MYO5B: variants seen among roughly 807,000 people sequenced by gnomAD.
The protein encoded by MYO5B is unconventional myosin-Vb.
Under a neutral mutation model 229.3 loss-of-function variants are expected in MYO5B, and 143 were observed. The observed-to-expected ratio is 0.62, with a 90% confidence interval of 0.54 to 0.72. MYO5B has a LOEUF of 0.72. MYO5B is among the 30% of genes least tolerant of loss of function. The probability of loss-of-function intolerance (pLI) is 0.00; values close to 1 mark genes in which losing one functional copy is unlikely to be tolerated. For missense variants in MYO5B, 2,321 were observed against 2,331.0 expected (o/e 1.00, Z 0.09); for synonymous variants, 918 against 885.2 (o/e 1.04, Z -0.66).
intron 17 of MYO5B, among the ~76,000 whole-genome samples, chr18:49,912,978 C>T (rs980920257): frequency 3.9e-5 from 6 of 152,194 alleles, no homozygotes; most frequent in South Asian, 4.1e-4. Context: ...CGTATCCTAA[C>T]CCCTGGAGAG....
chr18:49,877,876 G>C lies in MYO5B; in HGVS notation c.3283C>G (p.Pro1095Ala), dbSNP rs1188315877. ...RDEMTIIKQT[P>A]GHRRNPSNQS... ...TTTGATGGGTTCCGCCTATGACCTG[G>C]AGTTTGCTGTTCAACAAGAAAAACG... is the stretch of plus-strand genomic sequence containing the variant. Residue 1095 changes from proline to alanine, a missense_variant, in exon 25 of 40, where the codon CCA becomes GCA. Physicochemically the swap from Pro to Ala is conservative, Grantham distance 27. Transcript: ENST00000285039. 1 of 1,614,106 alleles carries C rather than the reference G, an allele frequency of 6.2e-7. No homozygotes were observed. The highest frequency in any genetic ancestry group is 1.7e-5 in the Admixed American group (1 of 60,014).
At chr18:49,837,194 A>C (rs2023997602) in intron 37 of MYO5B, among the ~76,000 whole-genome samples, 1 of 152,260 alleles carries the variant, frequency 6.6e-6, no homozygotes, top group Non-Finnish European at 1.5e-5. Flanking sequence ...AAATGTATTT[A>C]TACTTCTATG....
intron 1 of MYO5B, among the ~76,000 whole-genome samples, chr18:50,150,312 A>T (rs2144302060): frequency 6.9e-6 from 1 of 145,690 alleles, no homozygotes; most frequent in Non-Finnish European, 1.5e-5. Flanking sequence ...ATACCTTTTG[A>T]CCCAGCCATC....
intron 1 of MYO5B, among the ~76,000 whole-genome samples, chr18:50,165,307 AC>A (rs1002544252): frequency 1.3e-5 from 2 of 151,890 alleles, no homozygotes; most frequent in Non-Finnish European, 2.9e-5. Context: ...ACATGGCAAA[AC>A]CCCATCTTTA....
chr18:50,029,047 T>G (rs1054216197), intron 4 of MYO5B, among the ~76,000 whole-genome samples: 1 of 152,240 alleles, frequency 6.6e-6, no homozygotes, highest in African/African-American at 2.4e-5. Flanking sequence ...TCTTTTAAAA[T>G]AGGAATGTCA....
rs185850162 is a variant in MYO5B, at chr18:50,069,747, C to T, written c.28-14369G>A. On this transcript the variant is annotated intron_variant, in intron 1 of 39. Transcript: ENST00000285039. ...CAGGAAGTTAAGGAACCTAGATATG[C>T]TCAGATCCCTAAAAAAAACTGAACC... Among the ~76,000 whole-genome samples the T allele has an allele frequency of 5.6e-3, 847 of 152,206 alleles. 6 individuals are homozygous for T. Among genetic ancestry groups the T allele is most frequent in the South Asian group, 0.019 (90 of 4,820 alleles).
intron 1 of MYO5B, among the ~76,000 whole-genome samples, chr18:50,127,495 T>C (rs768423907): frequency 6.6e-6 from 1 of 152,130 alleles, no homozygotes; most frequent in Non-Finnish European, 1.5e-5. Flanking sequence ...TCACACCTGG[T>C]AGAGGAGGTA....
chr18:49,894,897 A>T (rs769604464), intron 22 of MYO5B, 44 bp downstream of exon 22: 4 of 1,568,834 alleles, frequency 2.5e-6, no homozygotes, highest in Non-Finnish European at 3.5e-6. Flanking sequence ...CCGTGTGCCC[A>T]CCCACTCTGC....
At chr18:49,972,814 A>C (rs904833122) in intron 10 of MYO5B, among the ~76,000 whole-genome samples, 11 of 152,080 alleles carry the variant, frequency 7.2e-5, no homozygotes, top group African/African-American at 2.7e-4. Context: ...GGACCAGAGG[A>C]GAAGGGGCCT....
chr18:50,035,628 A>T (rs1265573708), intron 4 of MYO5B, among the ~76,000 whole-genome samples: 2 of 152,204 alleles, frequency 1.3e-5, no homozygotes, highest in Non-Finnish European at 2.9e-5. Flanking sequence ...ACCATTGGGT[A>T]AGAGGTACAC....
chr18:50,130,758 C>A (rs2032242741), intron 1 of MYO5B, among the ~76,000 whole-genome samples: 1 of 152,176 alleles, frequency 6.6e-6, no homozygotes, highest in Admixed American at 6.5e-5. Flanking sequence ...TCTTCCCTGG[C>A]CATTTTTCAT....
intron 27 of MYO5B, 39 bp from the exon 28 acceptor site, chr18:49,864,419 C>G: frequency 1.2e-6 from 2 of 1,608,050 alleles, no homozygotes; most frequent in Middle Eastern, 1.7e-4. Flanking sequence ...TTACTCCCTG[C>G]CCTAGGGCTC....
rs144296915 is a variant in MYO5B, at chr18:50,144,620, C to G, written c.27+50147G>C. On this transcript the variant is annotated intron_variant, in intron 1 of 39. Coordinates refer to ENST00000285039, the MANE Select transcript of MYO5B (RefSeq NM_001080467.3). ...TAACCTGGAAATAACCCCCAAAAGA[C>G]CTTAGGGAAAGACATTTATTCTTCA... 3.8e-3 allele frequency among the ~76,000 whole-genome samples: 579 copies of G among 152,254 alleles called. 2 individuals are homozygous for G. Among genetic ancestry groups the G allele is most frequent in the African/African-American group, 0.012 (510 of 41,536 alleles).
intron 17 of MYO5B, among the ~76,000 whole-genome samples, chr18:49,924,445 A>G (rs979740213): frequency 6.6e-6 from 1 of 152,114 alleles, no homozygotes; most frequent in African/African-American, 2.4e-5. Context: ...GAAGTGTGGG[A>G]GTCAATACTT....
intron 1 of MYO5B, among the ~76,000 whole-genome samples, chr18:50,116,500 G>A (rs901807917): frequency 6.6e-6 from 1 of 152,044 alleles, no homozygotes; most frequent in Non-Finnish European, 1.5e-5. Context: ...CCCCTCTGTA[G>A]CAAGAGACAG....
intron 1 of MYO5B, among the ~76,000 whole-genome samples, chr18:50,127,711 T>C (rs897587193): frequency 2.6e-5 from 4 of 152,208 alleles, no homozygotes; most frequent in African/African-American, 9.6e-5. Flanking sequence ...TGTCAACTTA[T>C]GTGGCCACTG....
intron 1 of MYO5B, among the ~76,000 whole-genome samples, chr18:50,131,026 T>C (rs1218192172): frequency 5.3e-5 from 8 of 152,184 alleles, no homozygotes; most frequent in Non-Finnish European, 1.2e-4. Flanking sequence ...GCAAGCCTCT[T>C]CCTCCAATCT....
At chr18:49,835,213 G>T in intron 39 of MYO5B, 131 bp downstream of exon 39, 1 of 698,458 alleles carries the variant, frequency 1.4e-6, no homozygotes, top group Non-Finnish European at 2.6e-6. Flanking sequence ...GAAAGTCTAG[G>T]AATGTAAGGT....
chr18:49,847,176 C>G lies in MYO5B; in HGVS notation c.4429G>C (p.Glu1477Gln). The change falls in exon 33 of 40, where the codon GAG (glutamate) becomes CAG (glutamine). Residue 1477 changes from glutamate (E) to glutamine (Q), a missense_variant. By Grantham distance (29) the Glu-to-Gln change is conservative. Coordinates refer to ENST00000285039, the MANE Select transcript of MYO5B (RefSeq NM_001080467.3). ...ACCAGGTTCCGGATGAGGAGGGCCT[C>G]GTCCTCTTTGTGGTACTCCAGCATG... The part of the protein sequence containing the change: ...QGMLEYHKED[E>Q]ALLIRNLVTD... 6.2e-7 allele frequency: 1 copy of G among 1,614,120 alleles called. No homozygotes were observed. Among genetic ancestry groups the G allele is most frequent in the Middle Eastern group, 1.7e-4 (1 of 6,050 alleles).
Sources: allele counts gnomAD v4.1 joint callset (sites outside exome capture counted in the v4.1 genomes callset), GRCh38; gene constraint gnomAD v4.1.1; transcripts MANE v1.5; gene names NCBI Gene and HGNC (gene_info 2026-07-23, HGNC 2026-07-21).